The following AGBL1 variants were observed in gnomAD, a reference collection of about 807,000 sequenced individuals.
AGBL1 encodes the protein cytosolic carboxypeptidase 4.
A neutral mutation model predicts 118.9 loss-of-function variants in AGBL1; 130 were observed. That is an observed-to-expected ratio of 1.09 (90% CI 0.95 to 1.26). The LOEUF (loss-of-function observed/expected upper bound fraction) is 1.26. AGBL1 is among the 50% of genes most tolerant of loss of function. The pLI, the probability that AGBL1 is intolerant of heterozygous loss-of-function variation, is 0.00. For missense variants in AGBL1, 1,584 were observed against 1,298.1 expected (o/e 1.22, Z -3.38); for synonymous variants, 555 against 478.9 (o/e 1.16, Z -2.08).
chr15:86,551,812 G>T (rs547773800), intron 20 of AGBL1, among the ~76,000 whole-genome samples: 3 of 152,058 alleles, frequency 2.0e-5, no homozygotes, highest in Admixed American at 6.6e-5. Flanking sequence ...GTGCTGAAAA[G>T]GAATGAGCTA....
At chr15:86,145,910 C>A (rs1227371462) in intron 3 of AGBL1, among the ~76,000 whole-genome samples, 3 of 152,162 alleles carry the variant, frequency 2.0e-5, no homozygotes, top group Non-Finnish European at 4.4e-5. Context: ...CTACTTTAGA[C>A]TGGCATGGTC....
intron 19 of AGBL1, among the ~76,000 whole-genome samples, chr15:86,534,399 C>G (rs574550180): frequency 2.6e-5 from 4 of 152,282 alleles, no homozygotes; most frequent in South Asian, 4.2e-4. Context: ...ATTCTTTCCT[C>G]AAAGAATCTG....
At chr15:86,251,243 G>A (rs1268514265) in intron 7 of AGBL1, among the ~76,000 whole-genome samples, 2 of 152,178 alleles carry the variant, frequency 1.3e-5, no homozygotes, top group Non-Finnish European at 2.9e-5. Context: ...AGCTAGGATT[G>A]GAATCTGGTA....
chr15:86,295,540 C>A (rs1046889779), intron 17 of AGBL1, 132 bp downstream of exon 17: 4 of 871,140 alleles, frequency 4.6e-6, no homozygotes, highest in African/African-American at 1.7e-5. Flanking sequence ...TAGAAATACA[C>A]CCCCAGCTTT....
chr15:86,298,893 G>T (rs2079700331), intron 17 of AGBL1, among the ~76,000 whole-genome samples: 1 of 152,176 alleles, frequency 6.6e-6, no homozygotes. Context: ...TAAAGTCCTG[G>T]ACCTGAAGAT....
intron 3 of AGBL1, among the ~76,000 whole-genome samples, chr15:86,149,381 C>G (rs2077076027): frequency 6.6e-6 from 1 of 151,974 alleles, no homozygotes; most frequent in African/African-American, 2.4e-5. Flanking sequence ...TTCAGGAGAC[C>G]CATCTCACAT....
At chr15:86,127,628 G>A (rs1024533087) in intron 1 of AGBL1, among the ~76,000 whole-genome samples, 17 of 152,238 alleles carry the variant, frequency 1.1e-4, no homozygotes, top group African/African-American at 4.1e-4. Context: ...GCGGAGCCAA[G>A]CTATCTATCT....
chr15:87,011,773 C>G (rs909328960), intron 24 of AGBL1, among the ~76,000 whole-genome samples: 1 of 152,190 alleles, frequency 6.6e-6, no homozygotes, highest in African/African-American at 2.4e-5. Context: ...AAAATTTAAA[C>G]TTGCAACATT....
intron 18 of AGBL1, among the ~76,000 whole-genome samples, chr15:86,466,695 G>A (rs1378710599): frequency 6.6e-6 from 1 of 152,202 alleles, no homozygotes; most frequent in African/African-American, 2.4e-5. Flanking sequence ...CGTCCTTTTT[G>A]TTGATGTTGA....
At chr15:86,485,783 A>G (rs1031593396) in intron 18 of AGBL1, among the ~76,000 whole-genome samples, 3 of 152,128 alleles carry the variant, frequency 2.0e-5, no homozygotes, top group Admixed American at 6.6e-5. Flanking sequence ...TGTGTTGCAG[A>G]GGTATTCATT....
intron 1 of AGBL1, among the ~76,000 whole-genome samples, chr15:86,134,864 C>T (rs2076867949): frequency 6.6e-6 from 1 of 151,888 alleles, no homozygotes. Context: ...CTGCCTGCCT[C>T]AGCCTCCCAA....
At chr15:86,102,107 C>T (rs1395976803) in intron 1 of AGBL1, among the ~76,000 whole-genome samples, 5 of 150,796 alleles carry the variant, frequency 3.3e-5, no homozygotes, top group Admixed American at 1.3e-4. Flanking sequence ...GTGGTGTGAT[C>T]TCAGCTCACT....
At chr15:86,385,812 G>C (rs939094641) in intron 17 of AGBL1, among the ~76,000 whole-genome samples, 1 of 152,124 alleles carries the variant, frequency 6.6e-6, no homozygotes, top group East Asian at 1.9e-4. Flanking sequence ...AGTGATGTGT[G>C]CATCCTTTGG....
At chr15:86,376,464 C>T (rs1300865378) in intron 17 of AGBL1, among the ~76,000 whole-genome samples, 1 of 152,174 alleles carries the variant, frequency 6.6e-6, no homozygotes, top group East Asian at 1.9e-4. Flanking sequence ...GGACAGAGTC[C>T]AGGAGGAATT....
intron 1 of AGBL1, among the ~76,000 whole-genome samples, chr15:86,121,142 C>T (rs183496135): frequency 6.6e-6 from 1 of 152,286 alleles, no homozygotes; most frequent in African/African-American, 2.4e-5. Flanking sequence ...AGGTGATCTG[C>T]CCGCCTCAAT....
chr15:86,696,437 C>G (rs1191879763), intron 22 of AGBL1, among the ~76,000 whole-genome samples: 3 of 151,404 alleles, frequency 2.0e-5, no homozygotes. Context: ...CATGGAATGT[C>G]TTTTTCCACC....
intron 17 of AGBL1, chr15:86,316,623 C>T (rs1243710490): frequency 6.6e-6 from 1 of 152,274 alleles, no homozygotes; most frequent in African/African-American, 2.4e-5. Flanking sequence ...AAATAATGCT[C>T]TTCCTGTCTG....
At chr15:86,778,110 G>C (rs8042814) in intron 22 of AGBL1, among the ~76,000 whole-genome samples, 96,363 of 151,752 alleles carry the variant, frequency 0.64, 31,009 homozygotes, top group Admixed American at 0.74. Flanking sequence ...TTCCATGATG[G>C]CCCCTGAGCC....
intron 24 of AGBL1, chr15:87,028,700 A>G: frequency 2.6e-6 from 2 of 783,808 alleles, no homozygotes; most frequent in South Asian, 3.3e-5. Flanking sequence ...ATGATTGTTT[A>G]TAATCCATAG....
Sources: gnomAD v4.1 joint callset for allele counts (sites outside exome capture counted in the v4.1 genomes callset) on GRCh38, gnomAD v4.1.1 for gene constraint, MANE v1.5 for transcripts, NCBI Gene and HGNC (gene_info 2026-07-23, HGNC 2026-07-21) for gene names.